ME3: variants seen among roughly 807,000 people sequenced by gnomAD.
ME3 encodes NADP-dependent malic enzyme, mitochondrial.
A neutral mutation model predicts 68.9 loss-of-function variants in ME3; 48 were observed. That is an observed-to-expected ratio of 0.70 (90% CI 0.55 to 0.89). The LOEUF (loss-of-function observed/expected upper bound fraction) is 0.89. Among genes scored for constraint, ME3 ranks in the 40% least tolerant of loss-of-function variants. The pLI is 0.00. For synonymous variants in ME3, 320 were observed against 318.8 expected (o/e 1.00, Z -0.04); for missense variants, 675 against 797.4 (o/e 0.85, Z 1.85).
At chr11:86,645,479 C>T (rs549135369) in intron 2 of ME3, among the ~76,000 whole-genome samples, 5 of 152,230 alleles carry the variant, frequency 3.3e-5, no homozygotes, top group Non-Finnish European at 7.4e-5. Flanking sequence ...CACTGCAGCT[C>T]GTTGTAGCCA....
intron 4 of ME3, among the ~76,000 whole-genome samples, chr11:86,523,762 C>G (rs1205770006): frequency 6.6e-6 from 1 of 152,086 alleles, no homozygotes; most frequent in Non-Finnish European, 1.5e-5. Flanking sequence ...GAACCTCCAT[C>G]ACATCATTAG....
chr11:86,645,417 T>A (rs1005757295), intron 2 of ME3, among the ~76,000 whole-genome samples: 1 of 152,154 alleles, frequency 6.6e-6, no homozygotes, highest in Non-Finnish European at 1.5e-5. Context: ...GTAGGCCGTT[T>A]TCCCCTCACA....
rs1322930196 is a variant in ME3 at position 86,536,451 on chromosome 11, C to A, written c.467+20102G>T. On this transcript the variant is annotated intron_variant, in intron 4 of 14. Coordinates refer to ENST00000543262, the Ensembl canonical transcript of ME3. ...AACAAATTTACAAGAAAAAAACAAA[C>A]AACCCCATCAAAAAGTGGGCGAAGG... 2.4e-5 allele frequency among the ~76,000 whole-genome samples: 3 copies of A among 126,452 alleles called. No homozygotes were observed. In the Admixed American group the frequency reaches 2.6e-4, roughly 11 times the overall value. 83.0% of individuals were successfully genotyped at this position (126,452 alleles called of 152,430 possible). A position where few individuals can be genotyped will look rare whatever the true frequency, so the allele number is the denominator to read the frequency against.
chr11:86,590,356 G>A (rs1406733120), intron 2 of ME3, among the ~76,000 whole-genome samples: 1 of 152,210 alleles, frequency 6.6e-6, no homozygotes, highest in Non-Finnish European at 1.5e-5. Flanking sequence ...GCAAGGTTAA[G>A]AGAATGATAC....
intron 4 of ME3, among the ~76,000 whole-genome samples, chr11:86,549,859 A>G (rs1956578288): frequency 6.6e-6 from 1 of 152,132 alleles, no homozygotes; most frequent in South Asian, 2.1e-4. Flanking sequence ...GGGCTGAACA[A>G]TTTGGCTTGC....
Position 86,457,997 on chromosome 11 carries a change from G to C in ME3, c.919+7094C>G, listed in dbSNP as rs115323912. The stretch of plus-strand genomic sequence containing the variant: ...CTTTATCAGGTAAGGGAAAACTTCT[G>C]ACCCAGGCAGCAAGAAGGACAGAAA... On this transcript the variant is annotated intron_variant, in intron 8 of 14. Coordinates refer to ENST00000543262, the Ensembl canonical transcript of ME3. Among the ~76,000 whole-genome samples, 858 of 152,266 alleles carry C rather than the reference G, an allele frequency of 5.6e-3. 7 individuals carry two copies. The highest frequency in any genetic ancestry group is 0.02 in the African/African-American group (821 of 41,538).
chr11:86,523,323 A>G (rs539530297), intron 4 of ME3, among the ~76,000 whole-genome samples: 1 of 152,370 alleles, frequency 6.6e-6, no homozygotes, highest in African/African-American at 2.4e-5. Flanking sequence ...ACGAAGCTCA[A>G]TAAAATGAGG....
At chr11:86,584,896 C>A (rs1488560410) in intron 2 of ME3, among the ~76,000 whole-genome samples, 3 of 152,052 alleles carry the variant, frequency 2.0e-5, no homozygotes, top group African/African-American at 7.3e-5. Context: ...GATAACAATA[C>A]CATATTATAC....
intron 2 of ME3, among the ~76,000 whole-genome samples, chr11:86,640,378 A>G (rs1477632336): frequency 1.3e-5 from 2 of 152,218 alleles, no homozygotes; most frequent in African/African-American, 4.8e-5. Context: ...GACCTCAGTG[A>G]CCCTGAAGTG....
chr11:86,585,199 A>G (rs934669239), intron 2 of ME3, among the ~76,000 whole-genome samples: 5 of 152,222 alleles, frequency 3.3e-5, no homozygotes, highest in Admixed American at 1.3e-4. Context: ...GAAACTACTG[A>G]AAGTTTTAAA....
chr11:86,656,200 A>G (rs919971311), intron 2 of ME3, among the ~76,000 whole-genome samples: 2 of 151,720 alleles, frequency 1.3e-5, no homozygotes, highest in Admixed American at 1.3e-4. Flanking sequence ...GCGATTCCTC[A>G]GGGATCTAGA....
At chr11:86,571,823 G>T (rs577215412) in intron 2 of ME3, among the ~76,000 whole-genome samples, 23 of 152,328 alleles carry the variant, frequency 1.5e-4, no homozygotes, top group African/African-American at 5.1e-4. Flanking sequence ...TTAACGTAAT[G>T]CAAGGGAAGG....
chr11:86,529,247 G>C (rs2139252099), intron 4 of ME3, among the ~76,000 whole-genome samples: 1 of 152,286 alleles, frequency 6.6e-6, no homozygotes, highest in Admixed American at 6.5e-5. Context: ...AAATAAACTA[G>C]AAAATCTGGA....
chr11:86,575,012 T>G (rs1400278915), intron 2 of ME3, among the ~76,000 whole-genome samples: 1 of 121,358 alleles, frequency 8.2e-6, no homozygotes, highest in African/African-American at 3.8e-5. Context: ...AGGGGCCAAC[T>G]TGTTCTCAGA....
At chr11:86,480,863 G>A (rs1047315612) in intron 7 of ME3, among the ~76,000 whole-genome samples, 2 of 152,120 alleles carry the variant, frequency 1.3e-5, no homozygotes, top group Non-Finnish European at 2.9e-5. Context: ...CCATGGCAGG[G>A]TGAGCTCAGA....
intron 2 of ME3, among the ~76,000 whole-genome samples, chr11:86,650,834 C>A (rs1230958524): frequency 6.6e-6 from 1 of 152,174 alleles, no homozygotes; most frequent in African/African-American, 2.4e-5. Context: ...TCAGGGAATT[C>A]CCTCTCCTAG....
intron 4 of ME3, among the ~76,000 whole-genome samples, chr11:86,537,043 A>T (rs1000496451): frequency 3.3e-5 from 5 of 149,992 alleles, no homozygotes; most frequent in Admixed American, 2.7e-4. Context: ...AGAACAAAAA[A>T]CCAAACACCG....
intron 2 of ME3, 117 bp from the exon 3 acceptor site, chr11:86,559,940 T>C: frequency 9.2e-7 from 1 of 1,084,274 alleles, no homozygotes; most frequent in Non-Finnish European, 1.3e-6. Context: ...GAAAGGGCCC[T>C]CAACTCAAAT....
intron 7 of ME3, among the ~76,000 whole-genome samples, chr11:86,468,893 A>G (rs1427975928): frequency 6.6e-6 from 1 of 152,154 alleles, no homozygotes; most frequent in Non-Finnish European, 1.5e-5. Context: ...TCACCTTATG[A>G]TGTAGGCGCT....
Sources: gnomAD v4.1 joint callset for allele counts (sites outside exome capture counted in the v4.1 genomes callset) on GRCh38, gnomAD v4.1.1 for gene constraint, MANE v1.5 for transcripts, NCBI Gene and HGNC (gene_info 2026-07-23, HGNC 2026-07-21) for gene names.